EP400: variants seen among roughly 807,000 people sequenced by gnomAD.
The protein encoded by EP400 is E1A binding protein p400.
A neutral mutation model predicts 354.1 loss-of-function variants in EP400; 105 were observed. The observed-to-expected ratio is 0.30, with a 90% CI of 0.25 to 0.35. EP400 has a LOEUF of 0.35. Among genes scored for constraint, EP400 ranks in the 10% least tolerant of loss-of-function variants. The pLI, the probability that EP400 is intolerant of heterozygous loss-of-function variation, is 1.00. For missense variants in EP400, 3,280 were observed against 4,121.0 expected, an observed-to-expected ratio of 0.80 and a Z score of 5.59; for synonymous variants, 1,646 against 1,716.9, an observed-to-expected ratio of 0.96 and a Z score of 1.02.
intron 12 of EP400, among the ~76,000 whole-genome samples, chr12:132,001,504 G>C (rs1395732209): frequency 6.6e-6 from 1 of 152,218 alleles, no homozygotes; most frequent in African/African-American, 2.4e-5. Context: ...CAGCATCACA[G>C]GGAGACGGTT....
intron 6 of EP400, 100 bp from the exon 7 acceptor site, chr12:131,987,605 T>C: frequency 9.9e-7 from 1 of 1,011,482 alleles, no homozygotes; most frequent in Non-Finnish European, 1.4e-6. Context: ...AGTGCCTGAC[T>C]GAGCCTTTTG....
At chr12:131,954,728 A>AG (rs1418569268) in intron 1 of EP400, among the ~76,000 whole-genome samples, 2 of 147,202 alleles carry the variant, frequency 1.4e-5, no homozygotes, top group Non-Finnish European at 3.0e-5. Context: ...CCATCTCAGA[A>AG]AAAAAAAAAA....
Position 132,044,291 on chromosome 12 carries a change from C to T in EP400, c.6565C>T (p.Arg2189Ter), listed in dbSNP as rs1171496476. 6.2e-7 allele frequency: 1 copy of T among 1,613,912 alleles called. No individual in the cohort carries two copies. Among genetic ancestry groups the T allele is most frequent in the Admixed American group, 1.7e-5 (1 of 60,022 alleles). ...GGAGGCGGAGCTCCTGACCTACACG[C>T]GAGAGGATGCCTACAGCATGGTACC... ...QEEAELLTYT[R>*]EDAYSMEYVY... The change falls in exon 35 of 53, where the codon CGA (arginine) becomes TGA (stop). Residue 2189 changes from arginine (R) to a stop codon, truncating the protein, a stop_gained. Coordinates refer to ENST00000389561, the MANE Select transcript of EP400 (RefSeq NM_015409.5). LOFTEE classifies it high-confidence loss of function.
Position 132,025,710 on chromosome 12 carries a change from G to A in EP400, c.4920G>A (p.Val1640=), listed in dbSNP as rs890781005. 1 of 1,613,382 alleles carries A rather than the reference G, an allele frequency of 6.2e-7. No individual in the cohort carries two copies. Among genetic ancestry groups the A allele is most frequent in the African/African-American group, 1.3e-5 (1 of 74,946 alleles). Residue 1640 remains valine (V), a synonymous_variant, in exon 25 of 53, where the codon GTG becomes GTA. Coordinates refer to ENST00000389561, the MANE Select transcript of EP400 (RefSeq NM_015409.5). This position sits in a 1 kb window ranked among gnomAD's most constrained non-coding sequence, Gnocchi z 4.1. The part of the protein sequence containing the change: ...QPYLRAPGPV[V]MQTVSQAGAV... ...ACCTTCGAGCCCCTGGCCCTGTGGT[G>A]ATGCAGACCGTGTCTCAGGCGGGCG...
rs11829841 is a variant in EP400, at chr12:132,054,212, C to T, written c.7728+615C>T. ...CACCTGCAGAGAATAGGAGCTGTGC[C>T]AAATTGGGGAAACCCACACTTTGGA... On this transcript the variant is annotated intron_variant, in intron 43 of 52. Coordinates refer to ENST00000389561, the MANE Select transcript of EP400 (RefSeq NM_015409.5). The surrounding 1 kb of genome is among the most constrained non-coding windows in gnomAD (Gnocchi z 4.0). Among the ~76,000 whole-genome samples, 1,769 of 152,322 alleles carry T rather than the reference C, an allele frequency of 0.012. 23 individuals carry two copies. The highest frequency in any genetic ancestry group is 0.04 in the African/African-American group (1,672 of 41,562).
rs1286845850 is a variant in EP400, at chr12:132,055,154, C to T, written c.7830C>T (p.Thr2610=). The T allele has an allele frequency of 6.2e-7, 1 of 1,603,666 alleles. No individual in the cohort carries two copies. The highest frequency in any genetic ancestry group is 8.5e-7 in the Non-Finnish European group (1 of 1,174,772). ...CCATCGCAGGGGTCCCAGCTGCCAC[C>T]TTCCAGTCCATCAACAAGCGCCTGG... is the stretch of plus-strand genomic sequence containing the variant. ...VNTIAGVPAA[T]FQSINKRLAS... is the part of the protein sequence containing the mutation. The change falls in exon 45 of 53, where the codon ACC becomes ACT. Residue 2610 remains threonine, a synonymous_variant. Coordinates refer to ENST00000389561, the MANE Select transcript of EP400 (RefSeq NM_015409.5).
chr12:131,963,985 G>A (rs1891988520), intron 2 of EP400, among the ~76,000 whole-genome samples: 1 of 152,064 alleles, frequency 6.6e-6, no homozygotes, highest in Admixed American at 6.6e-5. Context: ...TTTGAGAACA[G>A]TGCAAAACAG....
rs1291923573 is a variant in EP400 at position 132,025,065 on chromosome 12, TAAAAC to T, written c.4856-559_4856-555del. On this transcript the variant is annotated intron_variant, in intron 24 of 52. Transcript: ENST00000389561. The surrounding 1 kb of genome is among the most constrained non-coding windows in gnomAD (Gnocchi z 4.1). ...TGGTTTACTTCCTTTTTTTTTTTCT[TAAAAC>T]AAAACAAAACAAAACAAAACATTTT... Among the ~76,000 whole-genome samples the T allele has an allele frequency of 2.0e-4, 31 of 151,984 alleles. No homozygotes were observed. Among genetic ancestry groups the T allele is most frequent in the Admixed American group, 5.2e-4 (8 of 15,282 alleles).
chr12:132,015,307 TTGTA>T (rs1317453502), intron 19 of EP400, among the ~76,000 whole-genome samples: 2 of 152,246 alleles, frequency 1.3e-5, no homozygotes, highest in African/African-American at 2.4e-5. Context: ...TGTAGAAACT[TTGTA>T]TGTGTGGACA....
At chr12:131,979,156 G>A (rs1470535215) in intron 2 of EP400, among the ~76,000 whole-genome samples, 1 of 150,684 alleles carries the variant, frequency 6.6e-6, no homozygotes, top group East Asian at 1.9e-4. Context: ...GGCAGAGGTT[G>A]CACTGAGATC....
chr12:132,056,739 T>C (rs777374267), intron 45 of EP400, among the ~76,000 whole-genome samples: 17 of 152,236 alleles, frequency 1.1e-4, no homozygotes, highest in Admixed American at 2.6e-4. Flanking sequence ...GAAAAGTTAA[T>C]ACGTTAGGCG....
chr12:132,028,210 C>T lies in EP400; in HGVS notation c.5303C>T (p.Thr1768Ile). ...GKEAGPAHSYTSSSESPSELM... is the reference protein window; with the variant it reads ...GKEAGPAHSYISSSESPSELM... ...GAGGCCGGGCCAGCGCACAGTTACA[C>T]TTCATCCTCAGAAAGTCCAAGTGAG... Residue 1768 changes from threonine to isoleucine, a missense_variant, in exon 27 of 53, where the codon ACT (threonine) becomes ATT (isoleucine). Around this residue, in one of 20 missense-constraint regions of EP400, gnomAD observed 459 missense variants for 496.9 expected, o/e 0.92. Coordinates refer to ENST00000389561, the MANE Select transcript of EP400 (RefSeq NM_015409.5). The T allele has an allele frequency of 1.2e-6, 2 of 1,614,204 alleles. No homozygotes were observed. The highest frequency in any genetic ancestry group is 1.7e-6 in the Non-Finnish European group (2 of 1,180,030).
Position 132,038,428 on chromosome 12 carries a change from C to T in EP400, c.6207+332C>T, listed in dbSNP as rs1028157327. 2.6e-5 allele frequency among the ~76,000 whole-genome samples: 4 copies of T among 152,212 alleles called. No individual in the cohort carries two copies. Among genetic ancestry groups the T allele is most frequent in the African/African-American group, 9.6e-5 (4 of 41,452 alleles). ...CTGCCTCCTCTGGAGGCTCTGCGGG[C>T]ACTACCCCTACTCCCCTCTAGCTGG... is the stretch of plus-strand genomic sequence containing the variant. On this transcript the variant is annotated intron_variant, in intron 32 of 52. Transcript: ENST00000389561. This position sits in a 1 kb window ranked among gnomAD's most constrained non-coding sequence, Gnocchi z 4.2.
At chr12:131,999,875 G>A (rs1893347617) in intron 12 of EP400, among the ~76,000 whole-genome samples, 1 of 151,600 alleles carries the variant, frequency 6.6e-6, no homozygotes. Context: ...TCTCCTTACA[G>A]TGTTTCCGAT....
chr12:131,977,039 A>C (rs1292851912), intron 2 of EP400, among the ~76,000 whole-genome samples: 1 of 150,532 alleles, frequency 6.6e-6, no homozygotes, highest in African/African-American at 2.4e-5. Flanking sequence ...CTTCTTGCGA[A>C]TATCACTTCC....
At chr12:132,069,236 C>T (rs1895995171) in intron 50 of EP400, 1 of 462,262 alleles carries the variant, frequency 2.2e-6, no homozygotes, top group Non-Finnish European at 3.9e-6. Flanking sequence ...GGAGCAGTGT[C>T]CCGGGTGGGG....
chr12:131,986,239 A>G (rs1892849430), intron 5 of EP400, among the ~76,000 whole-genome samples: 2 of 152,182 alleles, frequency 1.3e-5, no homozygotes, highest in South Asian at 2.1e-4. Context: ...TCAGCCTCCC[A>G]AAGTGTTGGG....
rs376575000 is a variant in EP400, at chr12:131,987,730, C to T, written c.2249C>T (p.Ala750Val). 16 of 1,609,490 alleles carry T rather than the reference C, an allele frequency of 9.9e-6. No homozygotes were observed. The highest frequency in any genetic ancestry group is 4.4e-5 in the South Asian group (4 of 90,238). Residue 750 changes from alanine to valine, a missense_variant, in exon 7 of 53, where the codon GCG (alanine) becomes GTG (valine). This residue lies in a region of EP400 where 800 missense variants were observed against 840.0 expected (regional missense o/e 0.95). Coordinates refer to ENST00000389561, the MANE Select transcript of EP400 (RefSeq NM_015409.5). ...GAGAACCAGGTGCATCAGCGCATTG[C>T]GGAGCTGAGGAAAGCAGGTCTGTGG... Reference protein sequence around the residue: ...TLENQVHQRIAELRKAGLWSQ... With the variant: ...TLENQVHQRIVELRKAGLWSQ...
intron 12 of EP400, among the ~76,000 whole-genome samples, chr12:131,998,127 T>C (rs1893278779): frequency 6.6e-6 from 1 of 152,188 alleles, no homozygotes; most frequent in Non-Finnish European, 1.5e-5. Flanking sequence ...GGATCTTTAT[T>C]CTTTTATTGG....
Sources: gnomAD v4.1 joint callset for allele counts (sites outside exome capture counted in the v4.1 genomes callset) on GRCh38, gnomAD v4.1.1 for gene constraint, gnomAD v4.1.1 regional missense constraint, Gnocchi (gnomAD v3.1) non-coding constraint, MANE v1.5 for transcripts, NCBI Gene and HGNC (gene_info 2026-07-23, HGNC 2026-07-21) for gene names.